The following SLC44A4 variants were observed in gnomAD, a reference collection of about 807,000 sequenced individuals.
SLC44A4 encodes choline transporter-like protein 4.
In SLC44A4, 74 loss-of-function variants were observed where a neutral mutation model predicts 97.0. That is an observed-to-expected ratio of 0.76 (90% CI 0.63 to 0.93). The LOEUF (loss-of-function observed/expected upper bound fraction) is 0.93. Among genes scored for constraint, SLC44A4 ranks in the 40% least tolerant of loss-of-function variants. The pLI, the probability that SLC44A4 is intolerant of heterozygous loss-of-function variation, is 0.00. For missense variants in SLC44A4, 799 were observed against 902.9 expected, an observed-to-expected ratio of 0.88 and a Z score of 1.48; for synonymous variants, 325 against 363.8, an observed-to-expected ratio of 0.89 and a Z score of 1.21.
In SLC44A4 at chr6:31,870,776, G is replaced by A. The variant is rs1198980914; in HGVS notation, c.937+36C>T. 5.0e-6 allele frequency: 8 copies of A among 1,612,360 alleles called. No homozygotes were observed. In the Admixed American group the frequency reaches 1.3e-4, roughly 27 times the overall value. ...CGGGCATGGCCCAGGGCGGTCCTTG[G>A]GCAGCTGGTGGCTTGGGGGTGGGCA... On this transcript the variant is annotated intron_variant, in intron 10 of 20. Transcript: ENST00000229729.
Position 31,876,196 on chromosome 6 carries a change from G to A in SLC44A4, c.90-67C>T. The stretch of plus-strand genomic sequence containing the variant: ...GGGGAGGTAGGGCTTATGGTCTGGA[G>A]GGGTTAAGGGTTAGAGAGTTGGGTG... On this transcript the variant is annotated intron_variant, in intron 2 of 20. Coordinates refer to ENST00000229729, the MANE Select transcript of SLC44A4 (RefSeq NM_025257.3). The surrounding 1 kb of genome is among the most constrained non-coding windows in gnomAD (Gnocchi z 4.8). 7.6e-7 allele frequency: 1 copy of A among 1,324,324 alleles called. No individual in the cohort carries two copies. The highest frequency in any genetic ancestry group is 1.1e-6 in the Non-Finnish European group (1 of 945,256). The allele number at this position is 1,324,324 out of a possible 1,614,324, so 82.0% of individuals were successfully genotyped here. A position where few individuals can be genotyped will look rare whatever the true frequency, so the allele number is the denominator to read the frequency against.
Position 31,872,894 on chromosome 6 carries a change from T to C in SLC44A4, c.530-1333A>G, listed in dbSNP as rs117163784. ...TGCTATAAATTGTCTAATTTTTTTT[T>C]TTTGAGATGGAGTCTCACTGTTGCC... On this transcript the variant is annotated intron_variant, in intron 7 of 20. Coordinates refer to ENST00000229729, the MANE Select transcript of SLC44A4 (RefSeq NM_025257.3). Among the ~76,000 whole-genome samples, 1,165 of 149,618 alleles carry C rather than the reference T, an allele frequency of 7.8e-3. 23 individuals are homozygous for C. The highest frequency in any genetic ancestry group is 0.044 in the South Asian group (206 of 4,692).
intron 11 of SLC44A4, among the ~76,000 whole-genome samples, chr6:31,870,285 G>C (rs1009454403): frequency 6.6e-6 from 1 of 152,066 alleles, no homozygotes; most frequent in African/African-American, 2.4e-5. Flanking sequence ...GTTCCTGATC[G>C]GGAGCAAGCT....
chr6:31,867,558 C>T (rs1762929840), intron 13 of SLC44A4, among the ~76,000 whole-genome samples: 1 of 151,676 alleles, frequency 6.6e-6, no homozygotes, highest in Non-Finnish European at 1.5e-5. Context: ...AGTGAAACGC[C>T]ATCTCTTAAA....
intron 7 of SLC44A4, among the ~76,000 whole-genome samples, chr6:31,871,970 C>A (rs1302263766): frequency 6.6e-6 from 1 of 152,124 alleles, no homozygotes; most frequent in African/African-American, 2.4e-5. Flanking sequence ...GGCTTCCAGG[C>A]TCTCCTGTGC....
intron 13 of SLC44A4, among the ~76,000 whole-genome samples, chr6:31,868,751 G>T (rs1762988628): frequency 2.6e-5 from 4 of 152,066 alleles, no homozygotes; most frequent in Admixed American, 2.6e-4. Context: ...AGCTGAGATT[G>T]CACTGCTGCA....
Position 31,865,914 on chromosome 6 carries a change from G to A in SLC44A4, c.1446C>T (p.Ile482=), listed in dbSNP as rs1193535765. ...AGGCAGAGATTAAGGGGAAGGTAGG[G>A]ATGTCCTGGGGCTTGTGGAAGGCCC... The part of the protein sequence containing the change: ...FYWAFHKPQD[I]PTFPLISAFI... The change falls in exon 14 of 21, where the codon ATC becomes ATT. Residue 482 remains isoleucine (I), a synonymous_variant. Transcript: ENST00000229729. This position sits in a 1 kb window ranked among gnomAD's most constrained non-coding sequence, Gnocchi z 5.2. The A allele has an allele frequency of 6.2e-7, 1 of 1,614,194 alleles. No individual in the cohort carries two copies. The highest frequency in any genetic ancestry group is 1.3e-5 in the African/African-American group (1 of 75,054).
Position 31,863,569 on chromosome 6 carries a change from G to A in SLC44A4, c.*58C>T, listed in dbSNP as rs567777174. ...AAAATGGAGACCTGTAAGGCGAAGT[G>A]AGGTTGGATGGCTGGACGGTGGGGG... On this transcript the variant is annotated 3_prime_UTR_variant, in exon 21 of 21. Transcript: ENST00000229729. 1.3e-6 allele frequency: 2 copies of A among 1,560,934 alleles called. No homozygotes were observed. Among genetic ancestry groups the A allele is most frequent in the Admixed American group, 2.1e-5 (1 of 48,184 alleles).
Position 31,864,897 on chromosome 6 carries a change from G to C in SLC44A4, c.1845C>G (p.Phe615Leu). The change falls in exon 19 of 21, where the codon TTC (phenylalanine) becomes TTG (leucine). Residue 615 changes from phenylalanine (F) to leucine (L), a missense_variant. This residue lies in a region of SLC44A4 where 379 missense variants were observed against 438.3 expected (regional missense o/e 0.86). Coordinates refer to ENST00000229729, the MANE Select transcript of SLC44A4 (RefSeq NM_025257.3). ...LVVGGVGVLS[F>L]FFFSGRIPGL... The stretch of plus-strand genomic sequence containing the variant: ...CCGGGATGCGACCGGAGAAAAAAAA[G>C]AAGGACAGGACCCCTGTGGAATAAT... The C allele has an allele frequency of 6.2e-7, 1 of 1,612,750 alleles. No individual in the cohort carries two copies.
rs746187283 is a variant in SLC44A4, at chr6:31,864,928, G to T, written c.1832-18C>A. ...CAGGACCCCTGTGGAATAATTCTGG[G>T]GGTTAGTGCTGCACCTCTGAGGCCA... On this transcript the variant is annotated intron_variant, in intron 18 of 20. Transcript: ENST00000229729. The T allele has an allele frequency of 6.2e-7, 1 of 1,613,866 alleles. No homozygotes were observed. The highest frequency in any genetic ancestry group is 8.5e-7 in the Non-Finnish European group (1 of 1,179,880).
chr6:31,871,437 G>A (rs751856393), intron 8 of SLC44A4, 37 bp downstream of exon 8: 19 of 1,613,254 alleles, frequency 1.2e-5, no homozygotes, highest in Admixed American at 5.0e-5. Context: ...GTGGGTGGAA[G>A]GGGTGTGGCC....
Position 31,874,077 on chromosome 6 carries a change from T to C in SLC44A4, c.529+383A>G, listed in dbSNP as rs1581851773. 6.6e-6 allele frequency among the ~76,000 whole-genome samples: 1 copy of C among 151,982 alleles called. No individual in the cohort carries two copies. On this transcript the variant is annotated intron_variant, in intron 7 of 20. Coordinates refer to ENST00000229729, the MANE Select transcript of SLC44A4 (RefSeq NM_025257.3). The surrounding 1 kb of genome is among the most constrained non-coding windows in gnomAD (Gnocchi z 4.8). ...TTGCAGTGAGCCGAGATCACGCCAC[T>C]GCACTCCAGCCTGGGCAACAGAGGA...
intron 7 of SLC44A4, among the ~76,000 whole-genome samples, chr6:31,872,410 A>AT (rs1465459889): frequency 6.6e-6 from 1 of 151,898 alleles, no homozygotes; most frequent in Non-Finnish European, 1.5e-5. Context: ...TAATTTTTAA[A>AT]TTTTTTGTAC....
In SLC44A4 at chr6:31,870,662, C is replaced by T. The variant is rs749133621; in HGVS notation, c.978G>A (p.Met326Ile). The T allele has an allele frequency of 1.2e-4, 201 of 1,610,778 alleles. 1 individual carries two copies. Among genetic ancestry groups the T allele is most frequent in the Admixed American group, 8.9e-4 (53 of 59,744 alleles). ...LAVLEAILLL[M>I]LIFLRQRIRI... ...GAATCCGCTGCCGCAGGAAGATGAG[C>T]ATCAGCAGCAGGATGGCTTCAAGCA... Residue 326 changes from methionine (M) to isoleucine (I), a missense_variant, in exon 11 of 21, where the codon ATG becomes ATA. By Grantham distance (10) the Met-to-Ile change is conservative. Transcript: ENST00000229729.
Position 31,876,150 on chromosome 6 carries a change from G to A in SLC44A4, c.90-21C>T. On this transcript the variant is annotated intron_variant, in intron 2 of 20. Coordinates refer to ENST00000229729, the MANE Select transcript of SLC44A4 (RefSeq NM_025257.3). This position sits in a 1 kb window ranked among gnomAD's most constrained non-coding sequence, Gnocchi z 4.8. Reference sequence around the variant, plus strand: ...AGCTTCTGAGAGAGAAACGAAACGGGAGGCTGAGCTAAGGAGACTTGGGGA... The same window carrying A: ...AGCTTCTGAGAGAGAAACGAAACGGAAGGCTGAGCTAAGGAGACTTGGGGA... The A allele has an allele frequency of 1.2e-6, 2 of 1,603,548 alleles. No individual in the cohort carries two copies. The highest frequency in any genetic ancestry group is 2.7e-5 in the African/African-American group (2 of 74,936).
Position 31,864,810 on chromosome 6 carries a change from A to G in SLC44A4, c.1926+6T>C, listed in dbSNP as rs771253201. On this transcript the variant is annotated splice_donor_region_variant and intron_variant, in intron 19 of 20. Coordinates refer to ENST00000229729, the MANE Select transcript of SLC44A4 (RefSeq NM_025257.3). ...GGGTGGAGCAGCAGAGAGGGGAGTC[A>G]CTCACCATGATGGGCAGCCAGTAAT... is the stretch of plus-strand genomic sequence containing the variant. 5 of 1,613,834 alleles carry G rather than the reference A, an allele frequency of 3.1e-6. No individual in the cohort carries two copies. Among genetic ancestry groups the G allele is most frequent in the Non-Finnish European group, 4.2e-6 (5 of 1,179,916 alleles).
In SLC44A4 at chr6:31,874,472, G is replaced by T. The variant is rs754064029; in HGVS notation, c.517C>A (p.Pro173Thr). 6 of 1,612,956 alleles carry T rather than the reference G, an allele frequency of 3.7e-6. No homozygotes were observed. The highest frequency in any genetic ancestry group is 1.3e-5 in the African/African-American group (1 of 74,928). The change falls in exon 7 of 21, where the codon CCC becomes ACC. Residue 173 changes from proline (P) to threonine (T), a missense_variant. Physicochemically the swap from Pro to Thr is conservative, Grantham distance 38. Around this residue, in one of 3 missense-constraint regions of SLC44A4, gnomAD observed 409 missense variants for 434.1 expected, o/e 0.94. Coordinates refer to ENST00000229729, the MANE Select transcript of SLC44A4 (RefSeq NM_025257.3). The surrounding 1 kb of genome is among the most constrained non-coding windows in gnomAD (Gnocchi z 4.8). Reference protein sequence around the residue: ...QQELCPSFLLPSAPALGRCFP... With the variant: ...QQELCPSFLLTSAPALGRCFP... ...CTGTGCTTCTCACCTGGAGCAGAGG[G>T]GAGGAGGAAACTGGGGCAGAGTTCC...
rs2151549374 is a variant in SLC44A4 at position 31,863,262 on chromosome 6, G to C, written c.*365C>G. The C allele has an allele frequency of 4.1e-6, 1 of 241,374 alleles. No individual in the cohort carries two copies. The highest frequency in any genetic ancestry group is 2.3e-5 in the African/African-American group (1 of 43,980). 15.0% of individuals were successfully genotyped at this position (241,374 alleles called of 1,614,324 possible). Reference sequence around the variant, plus strand: ...TTGTTTTGTTTTGGAGACAGAGTCTGTCACCCAGGTTGGAGTGCAGTGGCG... The same window carrying C: ...TTGTTTTGTTTTGGAGACAGAGTCTCTCACCCAGGTTGGAGTGCAGTGGCG... On this transcript the variant is annotated 3_prime_UTR_variant, in exon 21 of 21. Coordinates refer to ENST00000229729, the MANE Select transcript of SLC44A4 (RefSeq NM_025257.3).
Position 31,865,505 on chromosome 6 carries a change from T to C in SLC44A4, c.1679A>G (p.Tyr560Cys). The change falls in exon 16 of 21, where the codon TAC (tyrosine) becomes TGC (cysteine). Residue 560 changes from tyrosine (Y) to cysteine (C), a missense_variant. By Grantham distance (194) the Tyr-to-Cys change is radical. Coordinates refer to ENST00000229729, the MANE Select transcript of SLC44A4 (RefSeq NM_025257.3). This position sits in a 1 kb window ranked among gnomAD's most constrained non-coding sequence, Gnocchi z 5.2. ...KFIKFLNRNA[Y>C]IMIAIYGKNF... Reference sequence around the variant, plus strand: ...GCTTGCAGTGTAGCTCACCATGATGTATGCATTGCGGTTTAGGAACTTGAT... The same window carrying C: ...GCTTGCAGTGTAGCTCACCATGATGCATGCATTGCGGTTTAGGAACTTGAT... 1 of 1,607,712 alleles carries C rather than the reference T, an allele frequency of 6.2e-7. No homozygotes were observed. Among genetic ancestry groups the C allele is most frequent in the Non-Finnish European group, 8.5e-7 (1 of 1,174,988 alleles).
Sources: gnomAD v4.1 joint callset for allele counts (sites outside exome capture counted in the v4.1 genomes callset) on GRCh38, gnomAD v4.1.1 for gene constraint, gnomAD v4.1.1 regional missense constraint, Gnocchi (gnomAD v3.1) non-coding constraint, MANE v1.5 for transcripts, NCBI Gene and HGNC (gene_info 2026-07-23, HGNC 2026-07-21) for gene names.